The following DLG1 variants were observed in gnomAD, a reference collection of about 807,000 sequenced individuals.
The protein encoded by DLG1 is discs large MAGUK scaffold protein 1.
Under a neutral mutation model 123.4 loss-of-function variants are expected in DLG1, and 42 were observed. The ratio of observed to expected loss-of-function variants is 0.34; its 90% CI spans 0.27 to 0.44. The LOEUF is 0.44. Among genes scored for constraint, DLG1 ranks in the 20% least tolerant of loss-of-function variants. The probability of loss-of-function intolerance (pLI) is 1.00; values close to 1 mark genes in which losing one functional copy is unlikely to be tolerated. For missense variants in DLG1, 942 were observed against 1,082.6 expected, an observed-to-expected ratio of 0.87 and a Z score of 1.82; for synonymous variants, 317 against 356.2, an observed-to-expected ratio of 0.89 and a Z score of 1.24.
intron 4 of DLG1, among the ~76,000 whole-genome samples, chr3:197,234,156 C>T (rs1398772032): frequency 6.6e-6 from 1 of 152,146 alleles, no homozygotes; most frequent in Non-Finnish European, 1.5e-5. Flanking sequence ...CAGTGGTTCC[C>T]AAATGGTGAG....
chr3:197,260,512 T>A (rs927275891), intron 4 of DLG1: 2 of 178,584 alleles, frequency 1.1e-5, no homozygotes, highest in African/African-American at 4.8e-5. Flanking sequence ...CAATCTTCTT[T>A]ATGTAATCTG....
At chr3:197,287,033 T>C (rs1772206089) in intron 3 of DLG1, among the ~76,000 whole-genome samples, 1 of 151,906 alleles carries the variant, frequency 6.6e-6, no homozygotes, top group Admixed American at 6.6e-5. Context: ...CCACCATGCC[T>C]GGTTAAATTT....
At chr3:197,138,004 G>T (rs1467884403) in intron 9 of DLG1, among the ~76,000 whole-genome samples, 5 of 150,310 alleles carry the variant, frequency 3.3e-5, no homozygotes, top group African/African-American at 1.2e-4. Context: ...CGCAAAAAAA[G>T]GAACTTTTCA....
At chr3:197,122,627 A>C (rs1777038585) in intron 11 of DLG1, among the ~76,000 whole-genome samples, 1 of 152,156 alleles carries the variant, frequency 6.6e-6, no homozygotes, top group Admixed American at 6.5e-5. Context: ...CAAAACAGAT[A>C]TTTCCTATAT....
At chr3:197,247,126 T>C (rs1194316258) in intron 4 of DLG1, among the ~76,000 whole-genome samples, 4 of 152,222 alleles carry the variant, frequency 2.6e-5, no homozygotes, top group Admixed American at 1.3e-4. Flanking sequence ...AAGCCGATGC[T>C]TCCTTCTCCA....
At chr3:197,061,112 C>A (rs1054163897) in intron 22 of DLG1, among the ~76,000 whole-genome samples, 16 of 152,182 alleles carry the variant, frequency 1.1e-4, no homozygotes, top group African/African-American at 3.9e-4. Context: ...CCCCATAATG[C>A]AACTTCTAAC....
intron 15 of DLG1, among the ~76,000 whole-genome samples, chr3:197,090,507 C>T (rs1757175467): frequency 6.6e-6 from 1 of 151,978 alleles, no homozygotes; most frequent in Non-Finnish European, 1.5e-5. Flanking sequence ...TTTACATATG[C>T]CTCCTTTGCT....
intron 12 of DLG1, among the ~76,000 whole-genome samples, chr3:197,116,676 C>CA (rs1293114615): frequency 6.6e-5 from 10 of 151,946 alleles, no homozygotes; most frequent in East Asian, 3.9e-4. Flanking sequence ...TTCCTTTCCT[C>CA]AAAAAAACGA....
intron 4 of DLG1, among the ~76,000 whole-genome samples, chr3:197,202,152 A>G (rs1561429388): frequency 6.6e-6 from 1 of 152,240 alleles, no homozygotes; most frequent in East Asian, 1.9e-4. Context: ...TACAAATAAA[A>G]CAAATGCATG....
At chr3:197,185,550 C>T (rs1460879323) in intron 5 of DLG1, among the ~76,000 whole-genome samples, 1 of 152,080 alleles carries the variant, frequency 6.6e-6, no homozygotes. Context: ...ATACTAAGGG[C>T]GGACAGGTAA....
At position 197,296,912 on chromosome 3, in the gene DLG1, A is replaced by G. The variant is rs547270754; in HGVS notation, c.19+274T>C. 7.1e-5 allele frequency: 33 copies of G among 463,864 alleles called. No homozygotes were observed. In the East Asian group the frequency reaches 8.9e-4, roughly 12 times the overall value. The allele number at this position is 463,864 out of a possible 1,614,324, so 28.7% of individuals were successfully genotyped here. A position where few individuals can be genotyped will look rare whatever the true frequency, so the allele number is the denominator to read the frequency against. Reference sequence around the variant, plus strand: ...AGTGCTTAGTAAGAATGATAGAGTGAAATACTAAAACACCAATTCAGGGTT... The same window carrying G: ...AGTGCTTAGTAAGAATGATAGAGTGGAATACTAAAACACCAATTCAGGGTT... On this transcript the variant is annotated intron_variant, in intron 2 of 24. Coordinates refer to ENST00000667157, the MANE Select transcript of DLG1 (RefSeq NM_001366207.1).
At position 197,065,012 on chromosome 3, in the gene DLG1, C is replaced by G. The variant is rs372163321; in HGVS notation, c.2373+264G>C. 9.2e-5 allele frequency among the ~76,000 whole-genome samples: 14 copies of G among 151,922 alleles called. 1 individual carries two copies. The highest frequency in any genetic ancestry group is 3.1e-4 in the African/African-American group (13 of 41,392). On this transcript the variant is annotated intron_variant, in intron 22 of 24. Coordinates refer to ENST00000667157, the MANE Select transcript of DLG1 (RefSeq NM_001366207.1). ...TATATGCTGGAGAGCTAGGCCTAAA[C>G]AAAAGGTCTATCTCTAGCAAATGAC... is the stretch of plus-strand genomic sequence containing the variant.
intron 16 of DLG1, among the ~76,000 whole-genome samples, chr3:197,084,773 TATAG>T (rs1317515981): frequency 2.6e-5 from 4 of 151,460 alleles, no homozygotes; most frequent in Non-Finnish European, 5.9e-5. Context: ...ATTTTATATA[TATAG>T]ATAGATATAG....
chr3:197,114,113 T>A (rs1020974888), intron 13 of DLG1, among the ~76,000 whole-genome samples: 1 of 152,270 alleles, frequency 6.6e-6, no homozygotes, highest in Admixed American at 6.5e-5. Flanking sequence ...TCACATCCAC[T>A]CATAGGAGTT....
intron 3 of DLG1, among the ~76,000 whole-genome samples, chr3:197,284,605 TTACCAAA>T (rs1437400434): frequency 2.0e-5 from 3 of 152,138 alleles, no homozygotes; most frequent in South Asian, 2.1e-4. Flanking sequence ...TCCAGAAAGC[TTACCAAA>T]TACCAAAGAA....
rs907221950 is a variant in DLG1 at position 197,130,671 on chromosome 3, C to T, written c.1021G>A (p.Val341Met). The change falls in exon 11 of 25, where the codon GTG becomes ATG. Residue 341 changes from valine (V) to methionine (M), a missense_variant and splice_region_variant. Transcript: ENST00000667157. Reference protein sequence around the residue: ...KLQIGDKLLAVNNVCLEEVTH... With the variant: ...KLQIGDKLLAMNNVCLEEVTH... ...ACTTCTTCTAAACATACGTTATTCA[C>T]CTAAAAAAAGTCCCAAAAGACATTT... The T allele has an allele frequency of 2.5e-6, 4 of 1,584,386 alleles. No individual in the cohort carries two copies. Among genetic ancestry groups the T allele is most frequent in the Non-Finnish European group, 3.4e-6 (4 of 1,167,592 alleles).
chr3:197,136,949 C>T (rs1324289041), intron 9 of DLG1, among the ~76,000 whole-genome samples: 1 of 152,142 alleles, frequency 6.6e-6, no homozygotes, highest in Non-Finnish European at 1.5e-5. Context: ...AGTGACATTG[C>T]GAAATTATGT....
chr3:197,100,018 C>T (rs1762610477), intron 14 of DLG1, among the ~76,000 whole-genome samples: 1 of 152,108 alleles, frequency 6.6e-6, no homozygotes, highest in Non-Finnish European at 1.5e-5. Flanking sequence ...TTGAACAGCA[C>T]GTGCGTAAGT....
intron 3 of DLG1, among the ~76,000 whole-genome samples, chr3:197,293,145 C>T (rs993725084): frequency 6.6e-6 from 1 of 152,196 alleles, no homozygotes; most frequent in Admixed American, 6.5e-5. Flanking sequence ...ACCTAAATCA[C>T]AGAGTGAAAT....
Sources: allele counts gnomAD v4.1 joint callset (sites outside exome capture counted in the v4.1 genomes callset), GRCh38; gene constraint gnomAD v4.1.1; transcripts MANE v1.5; gene names NCBI Gene and HGNC (gene_info 2026-07-23, HGNC 2026-07-21).